Variants in MAL observed in about 807,000 individuals in gnomAD.
MAL encodes myelin and lymphocyte protein.
A neutral mutation model predicts 16.7 loss-of-function variants in MAL; 5 were observed. The observed-to-expected ratio is 0.30, with a 90% CI of 0.16 to 0.63. The LOEUF is 0.63. Among genes scored for constraint, MAL ranks in the 30% least tolerant of loss-of-function variants. MAL has a pLI of 0.82. For missense variants in MAL, 202 were observed against 195.8 expected (o/e 1.03, Z -0.19); for synonymous variants, 96 against 85.5 (o/e 1.12, Z -0.67).
chr2:95,048,010 C>A lies in MAL; in HGVS notation c.145C>A (p.Pro49Thr), dbSNP rs1362989746. ...ILVASSLVPW[P>T]LVQGWVMFVS... ...GGTGGCCTCCTCCCTGGTGCCCTGG[C>A]CCCTGGTCCAGGGCTGGGTGATGTT... The change falls in exon 2 of 4, where the codon CCC (proline) becomes ACC (threonine). Residue 49 changes from proline (P) to threonine (T), a missense_variant. Transcript: ENST00000309988. 6.2e-7 allele frequency: 1 copy of A among 1,613,708 alleles called. No individual in the cohort carries two copies.
At chr2:95,048,159 G>A in intron 2 of MAL, 33 bp downstream of exon 2, 8 of 1,573,670 alleles carry the variant, frequency 5.1e-6, no homozygotes, top group Non-Finnish European at 5.2e-6. Flanking sequence ...GCTGGTTGTA[G>A]GGGGGCGCAG....
intron 2 of MAL, among the ~76,000 whole-genome samples, chr2:95,048,497 T>C (rs1186658367): frequency 6.6e-6 from 1 of 152,188 alleles, no homozygotes; most frequent in East Asian, 1.9e-4. Flanking sequence ...GACCAAGGTG[T>C]TGGGCTCCAG....
At chr2:95,039,328 CTGAG>C (rs1170081356) in intron 1 of MAL, among the ~76,000 whole-genome samples, 75 of 83,316 alleles carry the variant, frequency 9.0e-4, no homozygotes, top group African/African-American at 3.2e-3. Flanking sequence ...GAGTGAGTGA[CTGAG>C]TGAGTGAGTG....
chr2:95,051,520 G>A (rs1674720874), intron 3 of MAL: 1 of 152,222 alleles, frequency 6.6e-6, no homozygotes, highest in African/African-American at 2.4e-5. Flanking sequence ...ATTATACAGT[G>A]GGTACTCATG....
At chr2:95,051,481 T>C (rs1308162115) in intron 3 of MAL, 2 of 152,282 alleles carry the variant, frequency 1.3e-5, no homozygotes, top group African/African-American at 4.8e-5. Context: ...TGTTCAGTTT[T>C]GCCTGCCTTT....
chr2:95,037,364 G>GTGAC (rs1398136386), intron 1 of MAL, among the ~76,000 whole-genome samples: 2 of 149,980 alleles, frequency 1.3e-5, no homozygotes, highest in African/African-American at 4.9e-5. Flanking sequence ...GAGTGACTGA[G>GTGAC]TGAGTGAGTG....
At chr2:95,046,807 A>G (rs1476119816) in intron 1 of MAL, among the ~76,000 whole-genome samples, 1 of 151,958 alleles carries the variant, frequency 6.6e-6, no homozygotes, top group Non-Finnish European at 1.5e-5. Flanking sequence ...TGAATCCAGA[A>G]AAAGAAATAA....
intron 1 of MAL, among the ~76,000 whole-genome samples, chr2:95,040,306 AAC>A (rs1299497245): frequency 2.6e-5 from 4 of 152,038 alleles, no homozygotes; most frequent in Non-Finnish European, 4.4e-5. Flanking sequence ...CCTGCACGCA[AAC>A]ACATACACAT....
intron 1 of MAL, among the ~76,000 whole-genome samples, chr2:95,039,618 G>C (rs1247508474): frequency 1.3e-5 from 2 of 150,272 alleles, no homozygotes; most frequent in East Asian, 4.0e-4. Flanking sequence ...GTGAGTGACA[G>C]TGGGTGAGTG....
intron 1 of MAL, among the ~76,000 whole-genome samples, chr2:95,037,454 GACTGAGTGACTA>G (rs1316760870): frequency 1.3e-5 from 2 of 151,504 alleles, no homozygotes; most frequent in Non-Finnish European, 2.9e-5. Flanking sequence ...CTGAGTGAGT[GACTGAGTGACTA>G]ACTGAGTGAC....
intron 3 of MAL, chr2:95,053,136 G>A: frequency 2.3e-6 from 1 of 432,950 alleles, no homozygotes; most frequent in Non-Finnish European, 4.1e-6. Context: ...CTGGGTGATA[G>A]TGGAGAGTCT....
chr2:95,041,664 C>G (rs1320527985), intron 1 of MAL, among the ~76,000 whole-genome samples: 2 of 152,160 alleles, frequency 1.3e-5, no homozygotes, highest in Non-Finnish European at 2.9e-5. Context: ...TGACACAGCT[C>G]ACTTCAAACT....
At chr2:95,039,631 T>TGACTGAGTGAGTGACTGAGTGAG (rs1674392427) in intron 1 of MAL, among the ~76,000 whole-genome samples, 1 of 146,330 alleles carries the variant, frequency 6.8e-6, no homozygotes, top group African/African-American at 2.6e-5. Context: ...GGTGAGTGAG[T>TGACTGAGTGAGTGACTGAGTGAG]GACTGAGTGA....
At chr2:95,028,369 G>A (rs1162842469) in intron 1 of MAL, among the ~76,000 whole-genome samples, 1 of 151,738 alleles carries the variant, frequency 6.6e-6, no homozygotes, top group East Asian at 1.9e-4. Flanking sequence ...TAGAAAGAAA[G>A]AAATCACAAT....
At chr2:95,039,829 T>A (rs1007428958) in intron 1 of MAL, among the ~76,000 whole-genome samples, 3 of 152,066 alleles carry the variant, frequency 2.0e-5, no homozygotes, top group Non-Finnish European at 4.4e-5. Context: ...AGGAGGTAGG[T>A]AGGGCTAACA....
intron 1 of MAL, among the ~76,000 whole-genome samples, chr2:95,030,988 G>A (rs1013338464): frequency 1.3e-5 from 2 of 152,192 alleles, no homozygotes; most frequent in African/African-American, 4.8e-5. Flanking sequence ...ACTGGGCCAT[G>A]GGCCAGCGAG....
At chr2:95,033,980 G>A (rs942511292) in intron 1 of MAL, among the ~76,000 whole-genome samples, 3 of 152,150 alleles carry the variant, frequency 2.0e-5, no homozygotes, top group Non-Finnish European at 4.4e-5. Flanking sequence ...CATAGCTACT[G>A]CCCCATAGCT....
intron 1 of MAL, among the ~76,000 whole-genome samples, chr2:95,030,763 T>C (rs868343281): frequency 2.0e-5 from 3 of 152,020 alleles, no homozygotes; most frequent in Non-Finnish European, 2.9e-5. Context: ...CGAACAGAAG[T>C]GCAGTCACAT....
chr2:95,049,525 G>T, intron 2 of MAL, 56 bp from the exon 3 acceptor site: 1 of 1,604,188 alleles, frequency 6.2e-7, no homozygotes, highest in Non-Finnish European at 8.5e-7. Flanking sequence ...CCTCAGCTCT[G>T]CATCTGGGCC....
Sources: allele counts gnomAD v4.1 joint callset (sites outside exome capture counted in the v4.1 genomes callset), GRCh38; gene constraint gnomAD v4.1.1; transcripts MANE v1.5; gene names NCBI Gene and HGNC (gene_info 2026-07-23, HGNC 2026-07-21).